Variants in NOS2 observed in about 807,000 individuals in gnomAD.
NOS2 encodes nitric oxide synthase, inducible.
In NOS2, 96 loss-of-function variants were observed where a neutral mutation model predicts 136.0. The ratio of observed to expected loss-of-function variants is 0.71; its 90% CI spans 0.60 to 0.84. NOS2 has a LOEUF of 0.84. Ranked by LOEUF, NOS2 falls within the 40% of genes least tolerant of loss-of-function variation. The pLI is 0.00. For synonymous variants in NOS2, 539 were observed against 587.5 expected, an observed-to-expected ratio of 0.92 and a Z score of 1.20; for missense variants, 1,237 against 1,496.9, an observed-to-expected ratio of 0.83 and a Z score of 2.87.
intron 26 of NOS2, among the ~76,000 whole-genome samples, chr17:27,758,088 T>C (rs533043006): frequency 9.8e-5 from 15 of 152,318 alleles, no homozygotes; most frequent in East Asian, 1.9e-4. Flanking sequence ...TACACCTCTT[T>C]CTTGTCTGGG....
At chr17:27,760,925 C>G (rs994636878) in intron 23 of NOS2, among the ~76,000 whole-genome samples, 181 bp from the exon 24 acceptor site, 3 of 152,170 alleles carry the variant, frequency 2.0e-5, no homozygotes, top group African/African-American at 4.8e-5. Context: ...ACCAGCACCT[C>G]CCCCAGGTCC....
rs773600534 is a variant in NOS2, at chr17:27,787,691, C to T, written c.454G>A (p.Gly152Ser). 15 of 1,612,670 alleles carry T rather than the reference C, an allele frequency of 9.3e-6. No homozygotes were observed. Among genetic ancestry groups the T allele is most frequent in the East Asian group, 8.9e-5 (4 of 44,784 alleles). ...GGCAAGCCTTACTCTTTGAAGGAGC[C>T]GTAATATTGGTTGACAAATTCGATA... ...QAIEFVNQYY[G>S]SFKEAKIEEH... The change falls in exon 5 of 27, where the codon GGC (glycine) becomes AGC (serine). Residue 152 changes from glycine to serine, a missense_variant. By Grantham distance (56) the Gly-to-Ser change is moderately conservative (BLOSUM62 0). This residue lies in a region of NOS2 where 440 missense variants were observed against 545.4 expected (regional missense o/e 0.81). Coordinates refer to ENST00000313735, the MANE Select transcript of NOS2 (RefSeq NM_000625.4).
chr17:27,765,177 G>A lies in NOS2; in HGVS notation c.2428+358C>T, dbSNP rs144429379. ...TTATTTTTGTATTTTTAGTAGAGACGGGGTTTTGCCATGTTGGCCAGGATT... is the reference window on the plus strand; with the variant it reads ...TTATTTTTGTATTTTTAGTAGAGACAGGGTTTTGCCATGTTGGCCAGGATT... On this transcript the variant is annotated intron_variant, in intron 20 of 26. Transcript: ENST00000313735. Among the ~76,000 whole-genome samples, 937 of 152,208 alleles carry A rather than the reference G, an allele frequency of 6.2e-3. 6 individuals are homozygous for A. The highest frequency in any genetic ancestry group is 8.3e-3 in the Non-Finnish European group (562 of 67,998).
At position 27,787,677 on chromosome 17, in the gene NOS2, C is replaced by T; in HGVS notation, c.467+1G>A. 1 of 1,611,032 alleles carries T rather than the reference C, an allele frequency of 6.2e-7. No individual in the cohort carries two copies. The highest frequency in any genetic ancestry group is 8.5e-7 in the Non-Finnish European group (1 of 1,178,616). On this transcript the variant is annotated splice_donor_variant, in intron 5 of 26. Coordinates refer to ENST00000313735, the MANE Select transcript of NOS2 (RefSeq NM_000625.4). LOFTEE classifies it high-confidence loss of function. ...GCGACCCTGCAGGAGGCAAGCCTTA[C>T]TCTTTGAAGGAGCCGTAATATTGGT...
At chr17:27,767,904 C>G (rs1908360383) in intron 17 of NOS2, 67 bp from the exon 18 acceptor site, 1 of 1,598,588 alleles carries the variant, frequency 6.3e-7, no homozygotes, top group Admixed American at 1.7e-5. Flanking sequence ...ACTGGGGCTA[C>G]CACTTTTTAG....
intron 26 of NOS2, among the ~76,000 whole-genome samples, chr17:27,757,699 T>C (rs1356236393): frequency 6.6e-6 from 1 of 152,242 alleles, no homozygotes; most frequent in Non-Finnish European, 1.5e-5. Context: ...AACAGCAGCA[T>C]ACTGAAGGCT....
At chr17:27,771,675 C>A (rs1468216806) in intron 14 of NOS2, among the ~76,000 whole-genome samples, 1 of 152,266 alleles carries the variant, frequency 6.6e-6, no homozygotes, top group Non-Finnish European at 1.5e-5. Context: ...AGCCGTGCGA[C>A]CCTGGAAAAC....
At chr17:27,794,361 G>A (rs1218271709) in intron 2 of NOS2, among the ~76,000 whole-genome samples, 3 of 152,160 alleles carry the variant, frequency 2.0e-5, no homozygotes, top group South Asian at 2.1e-4. Context: ...AGCCCCTTCC[G>A]GTGCCTTGCA....
At chr17:27,783,197 A>G in intron 5 of NOS2, 91 bp from the exon 6 acceptor site, 1 of 1,417,946 alleles carries the variant, frequency 7.1e-7, no homozygotes, top group South Asian at 1.3e-5. Flanking sequence ...CTGAAATAGG[A>G]CATCAGAAGG....
rs200330880 is a variant in NOS2, at chr17:27,774,465, C to T, written c.1282-14G>A. The T allele has an allele frequency of 6.9e-7, 1 of 1,447,860 alleles. No homozygotes were observed. Among genetic ancestry groups the T allele is most frequent in the Non-Finnish European group, 9.2e-7 (1 of 1,089,948 alleles). The allele number at this position is 1,447,860 out of a possible 1,614,324, so 89.7% of individuals were successfully genotyped here. A position where few individuals can be genotyped will look rare whatever the true frequency, so the allele number is the denominator to read the frequency against. Reference sequence around the variant, plus strand: ...CACATTCTGCTTCTGTATCAGAAGGCAAGATAGGGAGTGGAGATAAGGGTG... The same window carrying T: ...CACATTCTGCTTCTGTATCAGAAGGTAAGATAGGGAGTGGAGATAAGGGTG... On this transcript the variant is annotated splice_polypyrimidine_tract_variant and intron_variant, in intron 11 of 26. Coordinates refer to ENST00000313735, the MANE Select transcript of NOS2 (RefSeq NM_000625.4).
In NOS2 at chr17:27,772,445, G is replaced by A. The variant is rs1567636753; in HGVS notation, c.1567C>T (p.Leu523Phe). 1.2e-6 allele frequency: 2 copies of A among 1,613,986 alleles called. No homozygotes were observed. The highest frequency in any genetic ancestry group is 3.3e-4 in the Middle Eastern group (2 of 6,060). The change falls in exon 14 of 27, where the codon CTC becomes TTC. Residue 523 changes from leucine to phenylalanine, a missense_variant. Coordinates refer to ENST00000313735, the MANE Select transcript of NOS2 (RefSeq NM_000625.4). ...TTGCGCATCAGCATACAGGCAAAGA[G>A]CACAGCTCTGTGGGGACAGACAGAC... Reference protein sequence around the residue: ...IPLKVLVKAVLFACMLMRKTM... With the variant: ...IPLKVLVKAVFFACMLMRKTM...
chr17:27,769,778 C>T (rs1597547947), intron 15 of NOS2, among the ~76,000 whole-genome samples, 194 bp from the exon 16 acceptor site: 1 of 152,348 alleles, frequency 6.6e-6, no homozygotes, highest in South Asian at 2.1e-4. Context: ...CTCACTCCAA[C>T]TAAACTGTAG....
intron 3 of NOS2, 49 bp downstream of exon 3, chr17:27,789,555 G>A: frequency 7.1e-7 from 1 of 1,408,156 alleles, no homozygotes. Flanking sequence ...GTCTGCATCT[G>A]CCTGGACCAG....
intron 2 of NOS2, among the ~76,000 whole-genome samples, chr17:27,794,831 A>G (rs971862762): frequency 1.6e-4 from 24 of 152,168 alleles, no homozygotes; most frequent in African/African-American, 5.6e-4. Context: ...ACCTGAACAG[A>G]TTAGAAAATT....
chr17:27,762,774 C>A, intron 22 of NOS2, 24 bp downstream of exon 22: 1 of 1,510,388 alleles, frequency 6.6e-7, no homozygotes, highest in South Asian at 1.2e-5. Flanking sequence ...CGGGGCTGTT[C>A]CAGAGCCTCT....
intron 1 of NOS2, among the ~76,000 whole-genome samples, chr17:27,799,491 G>A (rs1433174273): frequency 1.3e-5 from 2 of 152,218 alleles, no homozygotes; most frequent in Admixed American, 6.5e-5. Context: ...ACAGACAAGA[G>A]GAAGATCAAA....
At chr17:27,789,128 G>T (rs1008840201) in intron 3 of NOS2, among the ~76,000 whole-genome samples, 197 bp from the exon 4 acceptor site, 12 of 152,206 alleles carry the variant, frequency 7.9e-5, no homozygotes, top group Non-Finnish European at 1.3e-4. Context: ...ACTGGCCAGG[G>T]TCCTCTCCTC....
At position 27,766,584 on chromosome 17, in the gene NOS2, G is replaced by A. The variant is rs757824786; in HGVS notation, c.2172C>T (p.Leu724=). 2 of 1,613,848 alleles carry A rather than the reference G, an allele frequency of 1.2e-6. No homozygotes were observed. The highest frequency in any genetic ancestry group is 1.1e-5 in the South Asian group (1 of 91,070). ...ACACGTTCTTGGCATGCATGCTGCT[G>A]AGGGCTGTGGAGGACACAGAGACGG... ...DSQPLDLSKA[L]SSMHAKNVFT... is the part of the protein sequence containing the mutation. Residue 724 remains leucine (L), a synonymous_variant, in exon 19 of 27, where the codon CTC becomes CTT. Coordinates refer to ENST00000313735, the MANE Select transcript of NOS2 (RefSeq NM_000625.4).
rs201009155 is a variant in NOS2, at chr17:27,779,053, G to A, written c.1008C>T (p.Tyr336=). The A allele has an allele frequency of 3.9e-5, 59 of 1,502,808 alleles. No individual in the cohort carries two copies. In the African/African-American group the frequency reaches 4.2e-4, roughly 11 times the overall value. The allele number at this position is 1,502,808 out of a possible 1,614,324, so 93.1% of individuals were successfully genotyped here. The change falls in exon 10 of 27, where the codon TAC becomes TAT. Residue 336 remains tyrosine, a synonymous_variant. Coordinates refer to ENST00000313735, the MANE Select transcript of NOS2 (RefSeq NM_000625.4). ...VLEVAMEHPK[Y]EWFRELELKW... ...TTAGCTCCAGTTCCCGAAACCACTC[G>A]TATCTGGCAAAAAGGTAGACACAAT...
Sources: gnomAD v4.1 joint callset for allele counts (sites outside exome capture counted in the v4.1 genomes callset) on GRCh38, gnomAD v4.1.1 for gene constraint, gnomAD v4.1.1 regional missense constraint, MANE v1.5 for transcripts, NCBI Gene and HGNC (gene_info 2026-07-23, HGNC 2026-07-21) for gene names.